Variants in HIKESHI observed in about 807,000 individuals in gnomAD.
The protein encoded by HIKESHI is protein Hikeshi.
HIKESHI carries 13 observed loss-of-function variants against 25.7 expected under a neutral mutation model. The ratio of observed to expected loss-of-function variants is 0.51; its 90% CI spans 0.33 to 0.80. The LOEUF (loss-of-function observed/expected upper bound fraction) is 0.80, where lower values mean the gene tolerates loss of function less well. Ranked by LOEUF, HIKESHI falls within the 30% of genes least tolerant of loss-of-function variation. The probability of loss-of-function intolerance (pLI) is 0.02; values close to 1 mark genes in which losing one functional copy is unlikely to be tolerated. For missense variants in HIKESHI, 174 were observed against 229.5 expected (o/e 0.76, Z 1.56); for synonymous variants, 76 against 78.7 (o/e 0.97, Z 0.18).
chr11:86,306,695 A>C (rs554628112), intron 2 of HIKESHI, among the ~76,000 whole-genome samples: 1 of 152,158 alleles, frequency 6.6e-6, no homozygotes, highest in Non-Finnish European at 1.5e-5. Context: ...GTGTAGTATA[A>C]CCTTCATAAA....
intron 2 of HIKESHI, among the ~76,000 whole-genome samples, chr11:86,329,118 T>C (rs761965116): frequency 9.2e-5 from 14 of 151,928 alleles, no homozygotes; most frequent in Non-Finnish European, 1.2e-4. Context: ...TACATTCTTA[T>C]GTTTAGGTGA....
rs1850898726 is a variant in HIKESHI at position 86,320,713 on chromosome 11, C to A, written c.268+14231C>A. ...TTTTGATATAGCTACACTTGAGAAA[C>A]TGTCACCACAATCAATGAATGGACC... On this transcript the variant is annotated intron_variant, in intron 2 of 4. Coordinates refer to ENST00000278483, the MANE Select transcript of HIKESHI (RefSeq NM_016401.4). Among the ~76,000 whole-genome samples the A allele has an allele frequency of 2.0e-5, 3 of 152,198 alleles. No individual in the cohort carries two copies. The South Asian group carries it at 6.2e-4, about 31-fold the overall frequency.
rs796356428 is a variant in HIKESHI, at chr11:86,309,838, C to T, written c.268+3356C>T. On this transcript the variant is annotated intron_variant, in intron 2 of 4. Coordinates refer to ENST00000278483, the MANE Select transcript of HIKESHI (RefSeq NM_016401.4). The stretch of plus-strand genomic sequence containing the variant: ...TTTATTAAATAGGGAATCCTTTCCC[C>T]ATTTCTTGTTTTTGTCAGGTTTCTC... Among the ~76,000 whole-genome samples, 242 of 152,276 alleles carry T rather than the reference C, an allele frequency of 1.6e-3. 7 individuals carry two copies. In the South Asian group the frequency reaches 0.048, roughly 30 times the overall value.
chr11:86,314,450 A>G (rs1946919394), intron 2 of HIKESHI, among the ~76,000 whole-genome samples: 1 of 152,086 alleles, frequency 6.6e-6, no homozygotes, highest in African/African-American at 2.4e-5. Context: ...CCCCCTGTAT[A>G]GTAAAATACA....
At position 86,307,037 on chromosome 11, in the gene HIKESHI, A is replaced by G. The variant is rs1046615763; in HGVS notation, c.268+555A>G. Among the ~76,000 whole-genome samples the G allele has an allele frequency of 4.1e-4, 59 of 145,210 alleles. 1 individual carries two copies. The highest frequency in any genetic ancestry group is 1.2e-3 in the African/African-American group (49 of 40,002). The stretch of plus-strand genomic sequence containing the variant: ...AATATATATATATATATAAATATAT[A>G]TATTATGTATCAAATATATATTATG... On this transcript the variant is annotated intron_variant, in intron 2 of 4. Transcript: ENST00000278483.
chr11:86,345,635 A>G lies in HIKESHI; in HGVS notation c.591A>G (p.Thr197=), dbSNP rs201671408. The G allele has an allele frequency of 1.4e-5, 22 of 1,522,552 alleles. No homozygotes were observed. Among genetic ancestry groups the G allele is most frequent in the Non-Finnish European group, 1.9e-5 (21 of 1,113,156 alleles). The allele number at this position is 1,522,552 out of a possible 1,614,324, so 94.3% of individuals were successfully genotyped here. A position where few individuals can be genotyped will look rare whatever the true frequency, so the allele number is the denominator to read the frequency against. ...CACAGAACCCTCTCTTTTGGAAAACATAATTTGAATAAAATAATTTTTAAT... is the reference window on the plus strand; with the variant it reads ...CACAGAACCCTCTCTTTTGGAAAACGTAATTTGAATAAAATAATTTTTAAT... ...RLAQNPLFWK[T] is the part of the protein sequence containing the mutation. The change falls in exon 5 of 5, where the codon ACA becomes ACG. Residue 197 remains threonine (T), a synonymous_variant. Transcript: ENST00000278483.
chr11:86,306,559 T>C (rs1013365184), intron 2 of HIKESHI, 77 bp downstream of exon 2: 14 of 848,012 alleles, frequency 1.7e-5, no homozygotes, highest in Admixed American at 5.2e-5. Context: ...AATATGACTT[T>C]TCCCCCTTTA....
At chr11:86,335,957 CA>C (rs1947546595) in intron 2 of HIKESHI, among the ~76,000 whole-genome samples, 1 of 152,144 alleles carries the variant, frequency 6.6e-6, no homozygotes, top group African/African-American at 2.4e-5. Flanking sequence ...GAAGCACAGG[CA>C]AAGACTTTAA....
chr11:86,337,606 T>C (rs906971271), intron 3 of HIKESHI, 76 bp downstream of exon 3: 2 of 1,387,492 alleles, frequency 1.4e-6, no homozygotes, highest in Non-Finnish European at 2.0e-6. Context: ...GTTAAAATCG[T>C]AACTTAGGGT....
chr11:86,321,446 G>T (rs560010660), intron 2 of HIKESHI, among the ~76,000 whole-genome samples: 1 of 152,250 alleles, frequency 6.6e-6, no homozygotes, highest in East Asian at 1.9e-4. Flanking sequence ...TAATATCTAG[G>T]AGTAGAATGG....
At chr11:86,313,162 A>G (rs955131921) in intron 2 of HIKESHI, among the ~76,000 whole-genome samples, 2 of 152,216 alleles carry the variant, frequency 1.3e-5, no homozygotes, top group South Asian at 2.1e-4. Context: ...ATTTGTATCT[A>G]TTGAATCTCT....
intron 2 of HIKESHI, among the ~76,000 whole-genome samples, chr11:86,326,208 G>A (rs1379990519): frequency 6.6e-6 from 1 of 152,192 alleles, no homozygotes; most frequent in Non-Finnish European, 1.5e-5. Context: ...TGAGGCAGGA[G>A]AATCACTTGA....
At chr11:86,323,832 C>G (rs1947207399) in intron 2 of HIKESHI, among the ~76,000 whole-genome samples, 1 of 152,108 alleles carries the variant, frequency 6.6e-6, no homozygotes, top group Non-Finnish European at 1.5e-5. Context: ...GTATCTGAAA[C>G]TTTAATAGTT....
chr11:86,312,541 G>C (rs1946861553), intron 2 of HIKESHI, among the ~76,000 whole-genome samples: 1 of 152,122 alleles, frequency 6.6e-6, no homozygotes, highest in South Asian at 2.1e-4. Flanking sequence ...TTTAATTGGA[G>C]CATTTAGCCC....
chr11:86,303,385 G>A, intron 1 of HIKESHI: 2 of 982,302 alleles, frequency 2.0e-6, no homozygotes, highest in Non-Finnish European at 2.4e-6. Flanking sequence ...ATAAGTTGGA[G>A]ATGACTAGCC....
At chr11:86,317,840 A>T (rs879272092) in intron 2 of HIKESHI, among the ~76,000 whole-genome samples, 1 of 152,126 alleles carries the variant, frequency 6.6e-6, no homozygotes, top group Non-Finnish European at 1.5e-5. Context: ...AAGCACAAGT[A>T]ATGTTATTAA....
intron 2 of HIKESHI, among the ~76,000 whole-genome samples, chr11:86,330,009 A>G (rs985334273): frequency 1.3e-5 from 2 of 151,624 alleles, no homozygotes; most frequent in African/African-American, 2.4e-5. Flanking sequence ...ACAGTTATTT[A>G]TATGGTTAGG....
At chr11:86,326,220 C>T (rs1043990506) in intron 2 of HIKESHI, among the ~76,000 whole-genome samples, 1 of 152,168 alleles carries the variant, frequency 6.6e-6, no homozygotes, top group Non-Finnish European at 1.5e-5. Flanking sequence ...ATCACTTGAA[C>T]CCAGGTGGTG....
chr11:86,337,553 C>G, intron 3 of HIKESHI, 23 bp downstream of exon 3: 1 of 1,603,254 alleles, frequency 6.2e-7, no homozygotes, highest in Non-Finnish European at 8.5e-7. Context: ...ACATTTCATT[C>G]TTTACCTCCC....
Sources: allele counts gnomAD v4.1 joint callset (sites outside exome capture counted in the v4.1 genomes callset), GRCh38; gene constraint gnomAD v4.1.1; transcripts MANE v1.5; gene names NCBI Gene and HGNC (gene_info 2026-07-23, HGNC 2026-07-21).